KCNMA1: variants seen among roughly 807,000 people sequenced by gnomAD.
The protein encoded by KCNMA1 is Calcium-activated potassium channel subunit alpha-1.
Under a neutral mutation model 140.0 loss-of-function variants are expected in KCNMA1, and 29 were observed. That is an observed-to-expected ratio of 0.21 (90% CI 0.15 to 0.28). KCNMA1 has a LOEUF of 0.28. KCNMA1 is among the 10% of genes least tolerant of loss of function. KCNMA1 has a pLI of 1.00. For synonymous variants in KCNMA1, 612 were observed against 611.9 expected (o/e 1.00, Z 0.00); for missense variants, 880 against 1,602.2 (o/e 0.55, Z 7.70).
At chr10:77,399,669 G>A (rs555652681) in intron 2 of KCNMA1, among the ~76,000 whole-genome samples, 42 of 152,254 alleles carry the variant, frequency 2.8e-4, no homozygotes, top group African/African-American at 9.4e-4. Context: ...GGCTCCAGGC[G>A]TTGACTATAA....
chr10:76,969,986 G>A lies in KCNMA1; in HGVS notation c.2348C>T (p.Pro783Leu), dbSNP rs1256917325. The change falls in exon 20 of 28, where the codon CCT (proline) becomes CTT (leucine). Residue 783 changes from proline to leucine, a missense_variant. This residue lies in a region of KCNMA1 where 196 missense variants were observed against 233.0 expected (regional missense o/e 0.84). Transcript: ENST00000286628. ...GGMRNSPNTSPKLMRHDPLLI... is the reference protein window; with the variant it reads ...GGMRNSPNTSLKLMRHDPLLI... ...CCCCTCTCCTTACCTCATCAGCTTA[G>A]GCGAGGTGTTGGGTGAGTTCCGCAT... 3 of 1,613,766 alleles carry A rather than the reference G, an allele frequency of 1.9e-6. No individual in the cohort carries two copies. Among genetic ancestry groups the A allele is most frequent in the Non-Finnish European group, 2.5e-6 (3 of 1,179,784 alleles).
intron 5 of KCNMA1, among the ~76,000 whole-genome samples, chr10:77,181,884 A>G (rs781090433): frequency 9.2e-5 from 14 of 152,238 alleles, no homozygotes; most frequent in Admixed American, 2.0e-4. Context: ...AAACTGTAGC[A>G]AAAGAAATCT....
intron 26 of KCNMA1, among the ~76,000 whole-genome samples, chr10:76,890,449 T>G (rs2039480870): frequency 6.6e-6 from 1 of 152,162 alleles, no homozygotes; most frequent in Non-Finnish European, 1.5e-5. Context: ...TCTAAAGTCT[T>G]TATCCTAATC....
At chr10:76,905,461 A>G (rs1320811082) in intron 25 of KCNMA1, among the ~76,000 whole-genome samples, 1 of 152,164 alleles carries the variant, frequency 6.6e-6, no homozygotes, top group Non-Finnish European at 1.5e-5. Context: ...ACTTGGCCAG[A>G]TGTGGTCTAT....
chr10:77,126,109 C>T (rs571500288), intron 5 of KCNMA1, among the ~76,000 whole-genome samples: 4 of 152,258 alleles, frequency 2.6e-5, no homozygotes, highest in African/African-American at 9.6e-5. Flanking sequence ...TATTCATCTT[C>T]TCTATTTTAT....
intron 1 of KCNMA1, among the ~76,000 whole-genome samples, chr10:77,607,965 C>T (rs960620807): frequency 2.4e-4 from 36 of 152,210 alleles, no homozygotes; most frequent in Non-Finnish European, 1.9e-4. Flanking sequence ...CCTGCCTTCC[C>T]GTAACATATT....
At chr10:76,980,356 A>C (rs2079061925) in intron 19 of KCNMA1, 2 of 152,134 alleles carry the variant, frequency 1.3e-5, no homozygotes, top group Admixed American at 1.3e-4. Context: ...TAGAGCTCTG[A>C]TCTCAGACCA....
At position 77,146,453 on chromosome 10, in the gene KCNMA1, C is replaced by A. The variant is rs552235455; in HGVS notation, c.809-25405G>T. 2.0e-5 allele frequency among the ~76,000 whole-genome samples: 3 copies of A among 152,120 alleles called. No individual in the cohort carries two copies. In the East Asian group the frequency reaches 5.8e-4, roughly 29 times the overall value. On this transcript the variant is annotated intron_variant, in intron 5 of 27. Transcript: ENST00000286628. ...CGGTGGCTCATGCCTGTAATCCCAG[C>A]ACTTTGGGAGGCCAAGGCAGGCAGA...
intron 18 of KCNMA1, among the ~76,000 whole-genome samples, chr10:77,004,026 A>C (rs1361405873): frequency 6.6e-6 from 1 of 152,184 alleles, no homozygotes; most frequent in Non-Finnish European, 1.5e-5. Context: ...GAACAGGCTG[A>C]AACTGGTAAT....
chr10:76,943,712 C>A (rs1330786900), intron 23 of KCNMA1, among the ~76,000 whole-genome samples: 2 of 152,190 alleles, frequency 1.3e-5, no homozygotes, highest in Non-Finnish European at 2.9e-5. Context: ...TTGTTCCTGG[C>A]TTTTCTGCAA....
intron 1 of KCNMA1, among the ~76,000 whole-genome samples, chr10:77,429,313 T>C (rs745831337): frequency 5.9e-5 from 9 of 152,114 alleles, no homozygotes; most frequent in Non-Finnish European, 1.0e-4. Flanking sequence ...TGGATAAACT[T>C]TTTGTTGTGG....
At chr10:77,045,006 C>T (rs73290327) in intron 14 of KCNMA1, among the ~76,000 whole-genome samples, 4,103 of 152,248 alleles carry the variant, frequency 0.027, 189 homozygotes, top group African/African-American at 0.092. Context: ...TATGACTTTA[C>T]GAGACGTCTA....
intron 21 of KCNMA1, among the ~76,000 whole-genome samples, chr10:76,951,724 C>G (rs565856525): frequency 3.9e-5 from 6 of 152,170 alleles, no homozygotes; most frequent in Non-Finnish European, 4.4e-5. Flanking sequence ...CCAGACAGCA[C>G]CTCCCAGTCT....
chr10:77,541,354 T>TA (rs1603634478), intron 1 of KCNMA1, among the ~76,000 whole-genome samples: 1 of 152,150 alleles, frequency 6.6e-6, no homozygotes, highest in East Asian at 1.9e-4. Context: ...AGAAAAACTC[T>TA]ACCCACAAGA....
intron 1 of KCNMA1, among the ~76,000 whole-genome samples, chr10:77,620,050 T>A (rs2090909342): frequency 6.6e-6 from 1 of 152,108 alleles, no homozygotes. Flanking sequence ...CACTCTGCAG[T>A]GATGATCAGC....
intron 13 of KCNMA1, among the ~76,000 whole-genome samples, chr10:77,076,516 A>G (rs2096402007): frequency 6.6e-6 from 1 of 152,170 alleles, no homozygotes; most frequent in Non-Finnish European, 1.5e-5. Flanking sequence ...GTTTGGTTCA[A>G]TGGGCTGTGG....
chr10:77,044,682 T>C (rs577055201), intron 14 of KCNMA1, among the ~76,000 whole-genome samples: 1 of 152,196 alleles, frequency 6.6e-6, no homozygotes, highest in Admixed American at 6.5e-5. Flanking sequence ...TGTTTAATAC[T>C]AAGAAAATGA....
At chr10:77,030,796 A>G (rs759190007) in intron 15 of KCNMA1, among the ~76,000 whole-genome samples, 1 of 152,220 alleles carries the variant, frequency 6.6e-6, no homozygotes, top group Non-Finnish European at 1.5e-5. Flanking sequence ...GTCCTCTTCC[A>G]GTTTTAAATC....
At chr10:77,513,834 A>G (rs1445539008) in intron 1 of KCNMA1, among the ~76,000 whole-genome samples, 1 of 152,042 alleles carries the variant, frequency 6.6e-6, no homozygotes, top group African/African-American at 2.4e-5. Flanking sequence ...GCAGTAGAAC[A>G]CTCTCCTTGG....
Sources: gnomAD v4.1 joint callset for allele counts (sites outside exome capture counted in the v4.1 genomes callset) on GRCh38, gnomAD v4.1.1 for gene constraint, gnomAD v4.1.1 regional missense constraint, MANE v1.5 for transcripts, NCBI Gene and HGNC (gene_info 2026-07-23, HGNC 2026-07-21) for gene names.